The following TPTE2 variants were observed in gnomAD, a reference collection of about 807,000 sequenced individuals.
TPTE2 encodes transmembrane phosphoinositide 3-phosphatase and tensin homolog 2.
A neutral mutation model predicts 78.6 loss-of-function variants in TPTE2; 53 were observed. The ratio of observed to expected loss-of-function variants is 0.67; its 90% CI spans 0.54 to 0.85. The LOEUF is 0.85. TPTE2 is among the 40% of genes least tolerant of loss of function. The pLI, the probability that TPTE2 is intolerant of heterozygous loss-of-function variation, is 0.00. For missense variants in TPTE2, 461 were observed against 623.0 expected, an observed-to-expected ratio of 0.74 and a Z score of 2.77; for synonymous variants, 175 against 206.2, an observed-to-expected ratio of 0.85 and a Z score of 1.30.
intron 1 of TPTE2, among the ~76,000 whole-genome samples, chr13:19,529,310 A>G (rs1730211997): frequency 6.6e-6 from 1 of 152,058 alleles, no homozygotes; most frequent in Non-Finnish European, 1.5e-5. Context: ...CACTGATAAG[A>G]GAGACAGAGT....
At chr13:19,457,962 T>C (rs1270882915) in intron 10 of TPTE2, among the ~76,000 whole-genome samples, 3 of 152,146 alleles carry the variant, frequency 2.0e-5, no homozygotes, top group South Asian at 2.1e-4. Context: ...AAACACAAAA[T>C]ACAGGTGCAT....
chr13:19,530,467 C>T (rs902720551), intron 1 of TPTE2, among the ~76,000 whole-genome samples: 2 of 152,198 alleles, frequency 1.3e-5, no homozygotes, highest in African/African-American at 4.8e-5. Flanking sequence ...ATAATATGTG[C>T]TTCTCTCTTT....
chr13:19,434,380 G>A (rs1443285444), intron 15 of TPTE2, among the ~76,000 whole-genome samples: 2 of 152,174 alleles, frequency 1.3e-5, no homozygotes, highest in Non-Finnish European at 2.9e-5. Flanking sequence ...TAAATGTGTT[G>A]GAGTATGGGA....
At chr13:19,452,142 CTG>C (rs1878226718) in intron 10 of TPTE2, among the ~76,000 whole-genome samples, 1 of 152,042 alleles carries the variant, frequency 6.6e-6, no homozygotes, top group Non-Finnish European at 1.5e-5. Flanking sequence ...GATGAACACT[CTG>C]AATCTGCATA....
the TPTE2 span, chr13:19,560,488 A>G: frequency 1.3e-6 from 2 of 1,594,292 alleles, no homozygotes; most frequent in Admixed American, 1.7e-5. Flanking sequence ...CAGCACCTCC[A>G]TTCATACTCT....
chr13:19,428,654 A>G lies in TPTE2; in HGVS notation c.1302+1814T>C, dbSNP rs578003171. Among the ~76,000 whole-genome samples, 4 of 151,970 alleles carry G rather than the reference A, an allele frequency of 2.6e-5. No homozygotes were observed. The South Asian group carries it at 8.3e-4, about 32-fold the overall frequency. Reference sequence around the variant, plus strand: ...AAAAATTAGGGGATTGCTTGAGCTCAGGAGGTTGAGGCTACAGTGAGCCAT... The same window carrying G: ...AAAAATTAGGGGATTGCTTGAGCTCGGGAGGTTGAGGCTACAGTGAGCCAT... On this transcript the variant is annotated intron_variant, in intron 17 of 19. Coordinates refer to ENST00000400230, the Ensembl canonical transcript of TPTE2.
intron 1 of TPTE2, among the ~76,000 whole-genome samples, chr13:19,534,555 G>A (rs1039145558): frequency 3.9e-5 from 6 of 152,136 alleles, no homozygotes; most frequent in Admixed American, 3.9e-4. Context: ...GCATATTCCA[G>A]CAACTGTTTG....
chr13:19,497,212 G>T lies in TPTE2; in HGVS notation c.12-3711C>A, dbSNP rs1212017106. Among the ~76,000 whole-genome samples the T allele has an allele frequency of 2.7e-5, 4 of 149,072 alleles. No homozygotes were observed. In the South Asian group the frequency reaches 6.7e-4, roughly 25 times the overall value. On this transcript the variant is annotated intron_variant, in intron 1 of 19. Coordinates refer to ENST00000400230, the Ensembl canonical transcript of TPTE2. ...TGAGATCAAACTGCAAGGCGGCAGC[G>T]AGGCTGGGGGAGGGGCGCCCGACAT...
chr13:19,497,201 A>C (rs1217835303), intron 1 of TPTE2, among the ~76,000 whole-genome samples: 3 of 150,630 alleles, frequency 2.0e-5, no homozygotes, highest in Admixed American at 1.3e-4. Flanking sequence ...ATCAAACTGC[A>C]AGGCGGCAGC....
At chr13:19,477,143 A>G (rs550105519) in intron 4 of TPTE2, among the ~76,000 whole-genome samples, 1 of 152,282 alleles carries the variant, frequency 6.6e-6, no homozygotes, top group African/African-American at 2.4e-5. Context: ...GTTCTCACCT[A>G]TCAGTGGTAG....
At chr13:19,497,233 G>T (rs1174678038) in intron 1 of TPTE2, among the ~76,000 whole-genome samples, 4 of 147,462 alleles carry the variant, frequency 2.7e-5, no homozygotes, top group Non-Finnish European at 4.5e-5. Context: ...AGGGGCGCCC[G>T]ACATTGCCCA....
At chr13:19,471,815 T>C (rs1443653293) in intron 6 of TPTE2, among the ~76,000 whole-genome samples, 1 of 152,232 alleles carries the variant, frequency 6.6e-6, no homozygotes, top group East Asian at 1.9e-4. Context: ...TGTCCTTATC[T>C]TTCTGATTGA....
At chr13:19,558,379 A>G in the TPTE2 span, among the ~76,000 whole-genome samples, 6 of 152,220 alleles carry the variant, frequency 3.9e-5, no homozygotes, top group Non-Finnish European at 7.3e-5. Flanking sequence ...AAAGGCATGA[A>G]TTGTTTACTT....
chr13:19,508,038 T>C (rs1869187823), upstream of TPTE2, among the ~76,000 whole-genome samples: 1 of 152,114 alleles, frequency 6.6e-6, no homozygotes, highest in African/African-American at 2.4e-5. Context: ...TTCCTGAGAC[T>C]CTCTACCCTG....
At chr13:19,448,103 G>A (rs7335770) in intron 13 of TPTE2, among the ~76,000 whole-genome samples, 5,712 of 152,216 alleles carry the variant, frequency 0.038, 114 homozygotes, top group African/African-American at 0.048. Context: ...TTCAATAAAC[G>A]ATACTGGGGA....
At chr13:19,458,435 A>G in intron 10 of TPTE2, 3 of 402,212 alleles carry the variant, frequency 7.5e-6, no homozygotes, top group South Asian at 5.9e-5. Flanking sequence ...ATAAGCTATC[A>G]AGTCTGCCCT....
At chr13:19,467,815 T>TCC (rs1879358746) in intron 6 of TPTE2, among the ~76,000 whole-genome samples, 1 of 67,808 alleles carries the variant, frequency 1.5e-5, no homozygotes, top group Non-Finnish European at 3.0e-5. Flanking sequence ...CATCCCCACC[T>TCC]CCCCACCCCC....
At chr13:19,488,020 C>T (rs922186933) in intron 3 of TPTE2, among the ~76,000 whole-genome samples, 5 of 152,178 alleles carry the variant, frequency 3.3e-5, no homozygotes, top group African/African-American at 1.2e-4. Context: ...TGTCTCTGGG[C>T]CAATTCAATC....
upstream of TPTE2, among the ~76,000 whole-genome samples, chr13:19,505,232 C>T (rs1010450510): frequency 6.6e-6 from 1 of 152,000 alleles, no homozygotes; most frequent in African/African-American, 2.4e-5. Flanking sequence ...CCTCCACCTC[C>T]CAGGTTCAAG....
Sources: gnomAD v4.1 joint callset for allele counts (sites outside exome capture counted in the v4.1 genomes callset) on GRCh38, gnomAD v4.1.1 for gene constraint, MANE v1.5 for transcripts, NCBI Gene and HGNC (gene_info 2026-07-23, HGNC 2026-07-21) for gene names.